The following LARGE1 variants were observed in gnomAD, a reference collection of about 807,000 sequenced individuals.
LARGE1 encodes the protein LARGE xylosyl- and glucuronyltransferase 1, also known as xylosyl- and glucuronyltransferase LARGE1.
LARGE1 carries 43 observed loss-of-function variants against 87.6 expected under a neutral mutation model. The ratio of observed to expected loss-of-function variants is 0.49; its 90% confidence interval spans 0.38 to 0.63. The LOEUF is 0.63. LARGE1 is among the 30% of genes least tolerant of loss of function. The pLI is 0.00. For missense variants in LARGE1, 802 were observed against 1,000.2 expected (o/e 0.80, Z 2.67); for synonymous variants, 434 against 394.6 (o/e 1.10, Z -1.18).
chr22:33,380,444 A>C (rs7286572), intron 9 of LARGE1, among the ~76,000 whole-genome samples: 14,187 of 152,250 alleles, frequency 0.093, 1,080 homozygotes, highest in African/African-American at 0.21. Context: ...GCAAGCTACA[A>C]CAATATTGGA....
At chr22:33,159,019 T>A (rs1429392541), downstream of LARGE1, among the ~76,000 whole-genome samples, 1 of 152,226 alleles carries the variant, frequency 6.6e-6, no homozygotes, top group African/African-American at 2.4e-5. Flanking sequence ...TATAACCTAA[T>A]ATTAATATTC....
intron 7 of LARGE1, among the ~76,000 whole-genome samples, chr22:33,413,347 T>C (rs1376656233): frequency 6.6e-6 from 1 of 152,188 alleles, no homozygotes; most frequent in Non-Finnish European, 1.5e-5. Flanking sequence ...ATGCCTGCTA[T>C]ATGCCAGAAT....
chr22:33,071,023 A>G, the LARGE1 span, among the ~76,000 whole-genome samples: 4 of 152,272 alleles, frequency 2.6e-5, no homozygotes, highest in South Asian at 8.3e-4. Context: ...TAAAAAATTA[A>G]AAAAAATAAA....
intron 5 of LARGE1, among the ~76,000 whole-genome samples, chr22:33,594,698 C>T (rs182153845): frequency 6.8e-4 from 103 of 152,328 alleles, no homozygotes; most frequent in Middle Eastern, 3.4e-3. Flanking sequence ...CCTCCGCCTC[C>T]TGGGTTCAAG....
intron 1 of LARGE1, among the ~76,000 whole-genome samples, chr22:33,798,771 A>G (rs746132957): frequency 1.2e-4 from 19 of 152,226 alleles, no homozygotes; most frequent in Non-Finnish European, 2.4e-4. Flanking sequence ...CATTGGGTCC[A>G]TGACACAGGC....
intron 2 of LARGE1, among the ~76,000 whole-genome samples, chr22:33,655,911 T>TA (rs1326726669): frequency 1.3e-5 from 2 of 152,194 alleles, no homozygotes; most frequent in Admixed American, 6.5e-5. Context: ...ATCAAGTAGA[T>TA]AAGTAAGAGC....
At chr22:33,650,271 C>G in intron 3 of LARGE1, 96 bp downstream of exon 3, 1 of 1,455,670 alleles carries the variant, frequency 6.9e-7, no homozygotes, top group Non-Finnish European at 9.6e-7. Context: ...AATGCCAGCT[C>G]TTGGCATCTG....
chr22:33,654,663 T>A (rs2080911555), intron 2 of LARGE1, among the ~76,000 whole-genome samples: 1 of 152,164 alleles, frequency 6.6e-6, no homozygotes, highest in African/African-American at 2.4e-5. Context: ...CTCTGTTACG[T>A]TTTACAGGCA....
chr22:33,210,717 C>T (rs896423046), intron 11 of LARGE1, among the ~76,000 whole-genome samples: 4 of 152,264 alleles, frequency 2.6e-5, no homozygotes, highest in African/African-American at 9.6e-5. Flanking sequence ...CACACGCACA[C>T]GGGCTCACCT....
chr22:33,138,128 C>T, the LARGE1 span, among the ~76,000 whole-genome samples: 1 of 152,214 alleles, frequency 6.6e-6, no homozygotes, highest in African/African-American at 2.4e-5. Context: ...CTGTACCCTA[C>T]AAAACCGTAG....
intron 11 of LARGE1, among the ~76,000 whole-genome samples, chr22:33,249,729 C>T (rs1926928730): frequency 6.6e-6 from 1 of 152,170 alleles, no homozygotes; most frequent in South Asian, 2.1e-4. Context: ...GGGTATAAGT[C>T]TATCTCTAGA....
rs1343483735 is a variant in LARGE1 at position 33,604,556 on chromosome 22, C to T, written c.494G>A (p.Arg165Gln). 28 of 1,613,824 alleles carry T rather than the reference C, an allele frequency of 1.7e-5. No homozygotes were observed. The highest frequency in any genetic ancestry group is 2.2e-5 in the South Asian group (2 of 91,078). ...AATAAGGTGGAAGTGCAGAGGGTTC[C>T]GTCTGTGGGGAGTGTGAGAAGGAAG... ...TLVKSVLFHR[R>Q]NPLHFHLIAD... is the part of the protein sequence containing the mutation. Residue 165 changes from arginine to glutamine, a missense_variant and splice_region_variant, in exon 5 of 15, where the codon CGG becomes CAG. Arg to Gln is a conservative substitution (Grantham distance 43). Coordinates refer to ENST00000397394, the MANE Select transcript of LARGE1 (RefSeq NM_133642.5).
the LARGE1 span, among the ~76,000 whole-genome samples, chr22:33,082,377 A>G: frequency 1.3e-5 from 2 of 152,178 alleles, no homozygotes; most frequent in Non-Finnish European, 1.5e-5. Context: ...TTTGCTGATC[A>G]TCTTCTTTCT....
At chr22:33,846,609 A>T (rs1366616308) in intron 1 of LARGE1, among the ~76,000 whole-genome samples, 2 of 152,234 alleles carry the variant, frequency 1.3e-5, no homozygotes, top group Admixed American at 6.5e-5. Context: ...CTCTTCTTTC[A>T]AAAGCAAATG....
At chr22:33,611,243 T>C (rs1430345070) in intron 4 of LARGE1, among the ~76,000 whole-genome samples, 2 of 1,716 alleles carry the variant, frequency 1.2e-3, no homozygotes. Context: ...ACTGGCGATG[T>C]GCACCTTTGT....
chr22:33,610,216 C>T (rs1315664631), intron 4 of LARGE1, among the ~76,000 whole-genome samples: 1 of 152,128 alleles, frequency 6.6e-6, no homozygotes. Context: ...AGCTGGGTAA[C>T]ATACAGGGGC....
intron 1 of LARGE1, among the ~76,000 whole-genome samples, chr22:33,912,461 C>T (rs1352491048): frequency 1.3e-5 from 2 of 152,180 alleles, no homozygotes; most frequent in African/African-American, 2.4e-5. Flanking sequence ...CTGGAAAGAT[C>T]GGCAAGTCCT....
At position 33,706,466 on chromosome 22, in the gene LARGE1, G is replaced by T. The variant is rs2082566021; in HGVS notation, c.106+54905C>A. ...TATAAGGGGTGAGCTTCAAGGCTAG[G>T]AAAGAAGCCACAGGTTCAAGTCCCA... On this transcript the variant is annotated intron_variant, in intron 2 of 14. Transcript: ENST00000397394. Among the ~76,000 whole-genome samples the T allele has an allele frequency of 3.3e-5, 5 of 152,318 alleles. No homozygotes were observed. In the South Asian group the frequency reaches 1.0e-3, roughly 32 times the overall value.
intron 3 of LARGE1, among the ~76,000 whole-genome samples, chr22:33,629,244 T>G (rs983936095): frequency 6.6e-6 from 1 of 151,986 alleles, no homozygotes; most frequent in African/African-American, 2.4e-5. Context: ...ATGGAAGACA[T>G]AACTGGGAAG....
Sources: allele counts gnomAD v4.1 joint callset (sites outside exome capture counted in the v4.1 genomes callset), GRCh38; gene constraint gnomAD v4.1.1; transcripts MANE v1.5; gene names NCBI Gene and HGNC (gene_info 2026-07-23, HGNC 2026-07-21).